DDC: variants seen among roughly 807,000 people sequenced by gnomAD.
DDC encodes the protein aromatic-L-amino-acid decarboxylase.
DDC carries 43 observed loss-of-function variants against 60.0 expected under a neutral mutation model. The observed-to-expected ratio is 0.72, with a 90% CI of 0.56 to 0.92. The LOEUF is 0.92. Among genes scored for constraint, DDC ranks in the 40% least tolerant of loss-of-function variants. The pLI, the probability that DDC is intolerant of heterozygous loss-of-function variation, is 0.00. For missense variants in DDC, 573 were observed against 620.2 expected, an observed-to-expected ratio of 0.92 and a Z score of 0.81; for synonymous variants, 232 against 234.6, an observed-to-expected ratio of 0.99 and a Z score of 0.10.
rs2045150573 is a variant in DDC at position 50,555,428 on chromosome 7, C to T, written c.-29+9857G>A. Reference sequence around the variant, plus strand: ...GGACCCAGAGAAGGAAAGGACTGTCCCAGGTGTGAAGCTGGTTGCAGCAAA... The same window carrying T: ...GGACCCAGAGAAGGAAAGGACTGTCTCAGGTGTGAAGCTGGTTGCAGCAAA... On this transcript the variant is annotated intron_variant, in intron 1 of 14. Coordinates refer to ENST00000444124, the MANE Select transcript of DDC (RefSeq NM_001082971.2). Among the ~76,000 whole-genome samples the T allele has an allele frequency of 2.6e-5, 4 of 152,176 alleles. No individual in the cohort carries two copies. The South Asian group carries it at 6.2e-4, about 24-fold the overall frequency.
intron 6 of DDC, among the ~76,000 whole-genome samples, chr7:50,508,332 G>C (rs1270169476): frequency 1.3e-5 from 2 of 152,224 alleles, no homozygotes; most frequent in Admixed American, 6.5e-5. Context: ...AATCACATTT[G>C]TGCAGGGGGA....
chr7:50,523,492 T>C (rs2043954339), intron 6 of DDC, among the ~76,000 whole-genome samples: 1 of 152,074 alleles, frequency 6.6e-6, no homozygotes. Context: ...AACAATCCAA[T>C]TAAAAAGTGG....
chr7:50,492,691 A>T (rs556388415), intron 9 of DDC: 1 of 1,213,996 alleles, frequency 8.2e-7, no homozygotes. Flanking sequence ...GAAATTTTCC[A>T]AATGGCCTTT....
At position 50,475,247 on chromosome 7, in the gene DDC, G is replaced by A. The variant is rs75106271; in HGVS notation, c.1041+1377C>T. Among the ~76,000 whole-genome samples the A allele has an allele frequency of 7.6e-3, 1,157 of 152,298 alleles. 15 individuals are homozygous for A. Among genetic ancestry groups the A allele is most frequent in the African/African-American group, 0.027 (1,106 of 41,544 alleles). ...GAGGATGAAAGGTCAGGGTGAGCTG[G>A]TCCTCAGGTTATTTTTAATATTATT... is the stretch of plus-strand genomic sequence containing the variant. On this transcript the variant is annotated intron_variant, in intron 11 of 14. Transcript: ENST00000444124.
chr7:50,529,453 C>A, intron 4 of DDC, 111 bp from the exon 5 acceptor site: 1 of 1,319,820 alleles, frequency 7.6e-7, no homozygotes, highest in East Asian at 2.4e-5. Flanking sequence ...AAATATGAGT[C>A]TGAAATGGCA....
At position 50,544,094 on chromosome 7, in the gene DDC, G is replaced by A; in HGVS notation, c.-9C>T. 1 of 1,613,750 alleles carries A rather than the reference G, an allele frequency of 6.2e-7. No homozygotes were observed. The highest frequency in any genetic ancestry group is 8.5e-7 in the Non-Finnish European group (1 of 1,179,710). On this transcript the variant is annotated 5_prime_UTR_variant, in exon 2 of 15. Coordinates refer to ENST00000444124, the MANE Select transcript of DDC (RefSeq NM_001082971.2). ...AATTCACTTGCGTTCATGGTGTCTG[G>A]GCTCTGTCAGAGGTGAAAACTGCAG... is the stretch of plus-strand genomic sequence containing the variant.
intron 9 of DDC, among the ~76,000 whole-genome samples, chr7:50,483,015 A>T (rs182111277): frequency 0.041 from 6,043 of 149,114 alleles, 262 homozygotes; most frequent in African/African-American, 0.11. Flanking sequence ...TTTTTTTTTT[A>T]AATTATTATG....
At chr7:50,561,549 G>C (rs980639476) in intron 1 of DDC, among the ~76,000 whole-genome samples, 1 of 152,096 alleles carries the variant, frequency 6.6e-6, no homozygotes, top group Non-Finnish European at 1.5e-5. Context: ...GTGTTGAGCC[G>C]CATGCATCTC....
chr7:50,484,348 T>A (rs114267518), intron 9 of DDC, among the ~76,000 whole-genome samples: 28 of 152,382 alleles, frequency 1.8e-4, no homozygotes, highest in African/African-American at 6.7e-4. Context: ...TGCTGCTTTC[T>A]AGCTTAATTT....
At chr7:50,538,160 G>A (rs1206416671) in intron 3 of DDC, among the ~76,000 whole-genome samples, 181 bp from the exon 4 acceptor site, 4 of 152,262 alleles carry the variant, frequency 2.6e-5, no homozygotes, top group African/African-American at 9.6e-5. Context: ...CGGTTGGGAA[G>A]GAACATACGG....
chr7:50,459,193 G>C (rs149494373), intron 14 of DDC, among the ~76,000 whole-genome samples: 11,889 of 152,314 alleles, frequency 0.078, 706 homozygotes, highest in South Asian at 0.11. Context: ...TCCAAACTGC[G>C]AGTGATCCGC....
intron 6 of DDC, among the ~76,000 whole-genome samples, chr7:50,513,924 G>A (rs1335395158): frequency 2.6e-5 from 4 of 152,072 alleles, no homozygotes; most frequent in Non-Finnish European, 5.9e-5. Context: ...TATAATCTTG[G>A]GAGTTGTAGG....
chr7:50,502,389 G>A (rs1307797781), intron 7 of DDC, among the ~76,000 whole-genome samples: 2 of 152,206 alleles, frequency 1.3e-5, no homozygotes, highest in South Asian at 2.1e-4. Context: ...AGCAGGCCAT[G>A]TGGGCTCTAT....
At chr7:50,544,300 C>G (rs2044732962) in intron 1 of DDC, among the ~76,000 whole-genome samples, 187 bp from the exon 2 acceptor site, 1 of 152,202 alleles carries the variant, frequency 6.6e-6, no homozygotes, top group Admixed American at 6.5e-5. Flanking sequence ...GGATTTGGGA[C>G]TGAGGCAAAA....
At chr7:50,470,995 C>T (rs567846046) in intron 11 of DDC, among the ~76,000 whole-genome samples, 8 of 152,310 alleles carry the variant, frequency 5.3e-5, no homozygotes, top group Middle Eastern at 3.4e-3. Context: ...CAGCCAGGCG[C>T]GACACTCTAG....
chr7:50,550,353 T>G (rs972478211), intron 1 of DDC, among the ~76,000 whole-genome samples: 4 of 152,206 alleles, frequency 2.6e-5, no homozygotes, highest in Non-Finnish European at 4.4e-5. Context: ...GCACACTTAA[T>G]AGACTACAGT....
intron 6 of DDC, among the ~76,000 whole-genome samples, chr7:50,513,525 AG>A (rs1172675738): frequency 1.1e-4 from 16 of 152,196 alleles, no homozygotes; most frequent in African/African-American, 3.9e-4. Context: ...CTCCAGAGGG[AG>A]GGGAAAAACC....
At chr7:50,486,192 A>G (rs1020511986) in intron 9 of DDC, among the ~76,000 whole-genome samples, 7 of 152,210 alleles carry the variant, frequency 4.6e-5, no homozygotes, top group African/African-American at 1.7e-4. Flanking sequence ...TCCAGCTTCT[A>G]TATCCATAAG....
intron 9 of DDC, chr7:50,492,687 T>TAAACTCTGTCCTC: frequency 1.5e-5 from 4 of 260,888 alleles, no homozygotes; most frequent in Non-Finnish European, 2.1e-5. Flanking sequence ...CAAGGAAATT[T>TAAACTCTGTCCTC]TCCAAATGGC....
Sources: gnomAD v4.1 joint callset for allele counts (sites outside exome capture counted in the v4.1 genomes callset) on GRCh38, gnomAD v4.1.1 for gene constraint, MANE v1.5 for transcripts, NCBI Gene and HGNC (gene_info 2026-07-23, HGNC 2026-07-21) for gene names.